BPIFB3: variants seen among roughly 807,000 people sequenced by gnomAD.
BPIFB3 encodes the protein BPI fold containing family B member 3, also known as BPI fold-containing family B member 3.
BPIFB3 carries 49 observed loss-of-function variants against 53.1 expected under a neutral mutation model. The ratio of observed to expected loss-of-function variants is 0.92; its 90% CI spans 0.73 to 1.17. BPIFB3 has a LOEUF of 1.17. Ranked by LOEUF, BPIFB3 falls within the 50% of genes most tolerant of loss-of-function variation. The pLI, the probability that BPIFB3 is intolerant of heterozygous loss-of-function variation, is 0.00. For missense variants in BPIFB3, 628 were observed against 592.5 expected (o/e 1.06, Z -0.62); for synonymous variants, 271 against 269.6 (o/e 1.01, Z -0.05).
chr20:33,056,618 C>G (rs1980218347), exon 2 of BPIFB3: 1 of 1,613,908 alleles, frequency 6.2e-7, no homozygotes, highest in East Asian at 2.2e-5. Flanking sequence ...ACCGGGGCCT[C>G]TTGGGCTCAG....
chr20:33,072,140 G>T (rs760434221), exon 13 of BPIFB3: 1 of 1,614,184 alleles, frequency 6.2e-7, no homozygotes, highest in Admixed American at 1.7e-5. Context: ...CCATGTGGTC[G>T]GGGCAGTGTA....
At chr20:33,055,608 T>G in intron 1 of BPIFB3, 61 bp downstream of exon 2, 1 of 1,605,516 alleles carries the variant, frequency 6.2e-7, no homozygotes, top group Non-Finnish European at 8.5e-7. Context: ...TCAATCTATA[T>G]GCTTAGAGCA....
chr20:33,069,057 C>T lies in BPIFB3; in HGVS notation c.1149+84C>T. 4.1e-6 allele frequency: 6 copies of T among 1,450,768 alleles called. No individual in the cohort carries two copies. In the South Asian group the frequency reaches 5.3e-5, roughly 13 times the overall value. The allele number at this position is 1,450,768 out of a possible 1,614,324, so 89.9% of individuals were successfully genotyped here. On this transcript the variant is annotated intron_variant, in intron 10 of 14. Transcript: ENST00000375494. ...TCTCCAGGACTGTGGAGGTACCGTC[C>T]CCCTGATTTCAGGGTGGGAGCCCCA...
At chr20:33,065,910 G>T (rs149831754) in intron 8 of BPIFB3, among the ~76,000 whole-genome samples, 2 of 152,198 alleles carry the variant, frequency 1.3e-5, no homozygotes, top group Non-Finnish European at 2.9e-5. Flanking sequence ...TGGGGAGAGG[G>T]TGTCTTCCAG....
chr20:33,066,737 A>G, intron 8 of BPIFB3, 87 bp from the exon 10 acceptor site: 2 of 1,256,838 alleles, frequency 1.6e-6, no homozygotes, highest in Non-Finnish European at 2.3e-6. Context: ...TAGGGGGAAG[A>G]GTGGTGAACG....
At chr20:33,056,398 G>A (rs1980206195) in intron 1 of BPIFB3, 144 bp from the exon 3 acceptor site, 3 of 1,115,526 alleles carry the variant, frequency 2.7e-6, no homozygotes, top group South Asian at 3.0e-5. Context: ...TGGCTTAGTG[G>A]GTTCCACCAT....
At chr20:33,059,244 G>T in intron 2 of BPIFB3, 134 bp from the exon 4 acceptor site, 1 of 630,878 alleles carries the variant, frequency 1.6e-6, no homozygotes. Flanking sequence ...GAGAGATGAA[G>T]TGATGGGCCA....
Position 33,064,567 on chromosome 20 carries a change from C to T in BPIFB3, c.744+19C>T. 1 of 1,613,050 alleles carries T rather than the reference C, an allele frequency of 6.2e-7. No homozygotes were observed. The highest frequency in any genetic ancestry group is 8.5e-7 in the Non-Finnish European group (1 of 1,179,058). ...CATCAACGTGAGTAACCAGAGGGGC[C>T]TCTCCTCCTGCTGGGGGTGGCTAGA... On this transcript the variant is annotated intron_variant, in intron 7 of 14. Coordinates refer to ENST00000375494, the Ensembl canonical transcript of BPIFB3.
intron 10 of BPIFB3, 100 bp downstream of exon 11, chr20:33,069,073 G>T (rs1186183336): frequency 2.2e-6 from 3 of 1,370,210 alleles, no homozygotes; most frequent in Middle Eastern, 2.4e-4. Flanking sequence ...ATTTCAGGGT[G>T]GGAGCCCCAC....
intron 4 of BPIFB3, among the ~76,000 whole-genome samples, chr20:33,061,566 A>T (rs6088085): frequency 6.6e-6 from 1 of 152,136 alleles, no homozygotes; most frequent in East Asian, 1.9e-4. Flanking sequence ...GGCATTGTAC[A>T]GTTGGGGAAA....
At chr20:33,060,785 G>A (rs1188428562) in intron 4 of BPIFB3, among the ~76,000 whole-genome samples, 1 of 152,084 alleles carries the variant, frequency 6.6e-6, no homozygotes, top group African/African-American at 2.4e-5. Context: ...GGCTGGTCTC[G>A]AACTCCTGAC....
At chr20:33,055,590 T>C in intron 1 of BPIFB3, 43 bp downstream of exon 2, 3 of 1,611,364 alleles carry the variant, frequency 1.9e-6, no homozygotes, top group Non-Finnish European at 2.5e-6. Context: ...TGCTGCAATG[T>C]CAACGACTCA....
At chr20:33,072,007 T>C in intron 12 of BPIFB3, 97 bp from the exon 14 acceptor site, 1 of 1,290,136 alleles carries the variant, frequency 7.8e-7, no homozygotes. Flanking sequence ...CTGAGGCAGC[T>C]GGGCCCCTGG....
intron 6 of BPIFB3, among the ~76,000 whole-genome samples, chr20:33,064,221 A>G (rs1218620726): frequency 6.6e-6 from 1 of 152,080 alleles, no homozygotes; most frequent in East Asian, 1.9e-4. Flanking sequence ...AGTGGCATCA[A>G]CTCTGGAAAA....
chr20:33,066,107 G>A (rs1417284130), intron 8 of BPIFB3, among the ~76,000 whole-genome samples: 2 of 152,186 alleles, frequency 1.3e-5, no homozygotes, highest in African/African-American at 4.8e-5. Context: ...TGTGTGAACA[G>A]GGCTGTTCTG....
intron 4 of BPIFB3, among the ~76,000 whole-genome samples, chr20:33,060,558 TTTTTTC>T (rs969569771): frequency 6.6e-6 from 1 of 152,194 alleles, no homozygotes; most frequent in East Asian, 1.9e-4. Context: ...GAATCATCAC[TTTTTTC>T]TTTTTCTTTT....
chr20:33,062,107 A>G (rs1183105682), intron 5 of BPIFB3, among the ~76,000 whole-genome samples: 5 of 151,870 alleles, frequency 3.3e-5, no homozygotes, highest in Admixed American at 3.3e-4. Flanking sequence ...CATTTGTATT[A>G]GTACCAACTT....
rs113673017 is a variant in BPIFB3, at chr20:33,061,856, C to CA, written c.591+26dup. The CA allele has an allele frequency of 2.0e-4, 328 of 1,613,102 alleles. 2 individuals are homozygous for CA. The African/African-American group carries it at 3.4e-3, about 17-fold the overall frequency. ...GGTGAGTGTGCGGGCCGTGTGCCAGCATGCCCTCTCCCAGGACTGGGCCTC... is the reference window on the plus strand; with the variant it reads ...GGTGAGTGTGCGGGCCGTGTGCCAGCAATGCCCTCTCCCAGGACTGGGCCTC... On this transcript the variant is annotated intron_variant, in intron 5 of 14. Transcript: ENST00000375494.
At chr20:33,054,312 C>A (rs370668707), upstream of BPIFB3, among the ~76,000 whole-genome samples, 1 of 152,224 alleles carries the variant, frequency 6.6e-6, no homozygotes, top group African/African-American at 2.4e-5. Flanking sequence ...GACACACAAC[C>A]ACGCACAGAG....
Sources: gnomAD v4.1 joint callset for allele counts (sites outside exome capture counted in the v4.1 genomes callset) on GRCh38, gnomAD v4.1.1 for gene constraint, MANE v1.5 for transcripts, NCBI Gene and HGNC (gene_info 2026-07-23, HGNC 2026-07-21) for gene names.